Variants in PLCB1 observed in about 807,000 individuals in gnomAD.
PLCB1 encodes 1-phosphatidylinositol 4,5-bisphosphate phosphodiesterase beta-1.
Under a neutral mutation model 161.8 loss-of-function variants are expected in PLCB1, and 46 were observed. The observed-to-expected ratio is 0.28, with a 90% confidence interval of 0.22 to 0.36. The LOEUF is 0.36. Ranked by LOEUF, PLCB1 falls within the 10% of genes least tolerant of loss-of-function variation. The probability of loss-of-function intolerance (pLI) is 1.00; values close to 1 mark genes in which losing one functional copy is unlikely to be tolerated. For missense variants in PLCB1, 1,016 were observed against 1,472.5 expected (o/e 0.69, Z 5.07); for synonymous variants, 517 against 503.7 (o/e 1.03, Z -0.35).
chr20:8,686,583 T>G (rs541124976), intron 10 of PLCB1, among the ~76,000 whole-genome samples: 1 of 152,316 alleles, frequency 6.6e-6, no homozygotes, highest in East Asian at 1.9e-4. Flanking sequence ...ATTTTATTTT[T>G]TCACCTTCTT....
In PLCB1 at chr20:8,767,653, A is replaced by G. The variant is rs149092181; in HGVS notation, c.2930+2295A>G. 6.1e-3 allele frequency among the ~76,000 whole-genome samples: 930 copies of G among 152,188 alleles called. 8 individuals are homozygous for G. The highest frequency in any genetic ancestry group is 0.022 in the African/African-American group (895 of 41,544). On this transcript the variant is annotated intron_variant, in intron 26 of 31. Transcript: ENST00000338037. ...GAACCCCACATGTGGACTGCGCATCATAGCTTATCATGGGACTTTGTGGAC... is the reference window on the plus strand; with the variant it reads ...GAACCCCACATGTGGACTGCGCATCGTAGCTTATCATGGGACTTTGTGGAC...
At chr20:8,441,158 A>G (rs1442722608) in intron 3 of PLCB1, among the ~76,000 whole-genome samples, 1 of 152,234 alleles carries the variant, frequency 6.6e-6, no homozygotes, top group African/African-American at 2.4e-5. Flanking sequence ...CTACAATTAG[A>G]ATTAAATCGT....
In PLCB1 at chr20:8,411,257, A is replaced by G. The variant is rs181622953; in HGVS notation, c.246+39807A>G. 1.8e-3 allele frequency among the ~76,000 whole-genome samples: 269 copies of G among 152,354 alleles called. 1 individual carries two copies. The highest frequency in any genetic ancestry group is 3.7e-3 in the Admixed American group (57 of 15,302). ...GTATGAAAAAAGGGATGCAAAATAT[A>G]TCATGAATACCTTTGCATGTTATTA... On this transcript the variant is annotated intron_variant, in intron 3 of 31. Transcript: ENST00000338037.
chr20:8,617,685 G>T (rs1988072746), intron 3 of PLCB1, among the ~76,000 whole-genome samples: 1 of 152,134 alleles, frequency 6.6e-6, no homozygotes, highest in Admixed American at 6.5e-5. Context: ...AATGTAATCT[G>T]TCTTTTTGTA....
chr20:8,666,734 A>G (rs6055986), intron 9 of PLCB1, among the ~76,000 whole-genome samples: 69,523 of 152,036 alleles, frequency 0.46, 16,089 homozygotes, highest in Admixed American at 0.5. Context: ...ATCGATGTCT[A>G]TAGCAGTGGT....
chr20:8,790,103 T>C, intron 30 of PLCB1, 72 bp from the exon 31 acceptor site: 1 of 993,308 alleles, frequency 1.0e-6, no homozygotes, highest in Non-Finnish European at 1.6e-6. Context: ...CTGAAAAGCT[T>C]TCGGTATTTT....
chr20:8,293,505 T>C (rs1421978115), intron 2 of PLCB1, among the ~76,000 whole-genome samples: 4 of 152,152 alleles, frequency 2.6e-5, no homozygotes, highest in Non-Finnish European at 4.4e-5. Context: ...AAGGATGACA[T>C]TCTTGAAGTG....
At position 8,495,588 on chromosome 20, in the gene PLCB1, G is replaced by A. The variant is rs377306087; in HGVS notation, c.246+124138G>A. Among the ~76,000 whole-genome samples the A allele has an allele frequency of 3.1e-4, 47 of 151,676 alleles. 1 individual carries two copies. In the South Asian group the frequency reaches 4.2e-3, roughly 14 times the overall value. ...AATTTTTTGTATTTTTAGTAGAGACGGGGTTTCACCCTGTTAGCCAAGATA... is the reference window on the plus strand; with the variant it reads ...AATTTTTTGTATTTTTAGTAGAGACAGGGTTTCACCCTGTTAGCCAAGATA... On this transcript the variant is annotated intron_variant, in intron 3 of 31. Transcript: ENST00000338037.
chr20:8,817,932 A>G (rs545177996), intron 31 of PLCB1, among the ~76,000 whole-genome samples: 3 of 152,388 alleles, frequency 2.0e-5, no homozygotes, highest in South Asian at 2.1e-4. Flanking sequence ...AGTGAAAAAT[A>G]TATTTAAAAT....
At chr20:8,759,716 TGTC>T (rs1486772988) in intron 24 of PLCB1, among the ~76,000 whole-genome samples, 1 of 152,028 alleles carries the variant, frequency 6.6e-6, no homozygotes, top group Non-Finnish European at 1.5e-5. Flanking sequence ...GTCAGGCTGG[TGTC>T]GAGCTCCTGA....
chr20:8,785,898 C>G (rs1983460111), intron 27 of PLCB1, among the ~76,000 whole-genome samples: 1 of 152,132 alleles, frequency 6.6e-6, no homozygotes, highest in Non-Finnish European at 1.5e-5. Context: ...ATAATTGTTA[C>G]TGAATTCAAA....
chr20:8,148,373 A>G (rs2051475926), intron 1 of PLCB1, among the ~76,000 whole-genome samples: 1 of 152,198 alleles, frequency 6.6e-6, no homozygotes. Flanking sequence ...TTTGACATTT[A>G]GAAGTAATTG....
intron 3 of PLCB1, among the ~76,000 whole-genome samples, chr20:8,426,769 CTG>C (rs1286997377): frequency 6.6e-6 from 1 of 152,164 alleles, no homozygotes; most frequent in African/African-American, 2.4e-5. Flanking sequence ...ATTTTACTGT[CTG>C]TGTATCTCAT....
intron 3 of PLCB1, among the ~76,000 whole-genome samples, chr20:8,393,121 C>T (rs1405703591): frequency 4.6e-5 from 7 of 152,024 alleles, no homozygotes; most frequent in Non-Finnish European, 1.0e-4. Context: ...CCTCACACAC[C>T]TAATACATTT....
rs1980372833 is a variant in PLCB1 at position 8,733,331 on chromosome 20, A to G, written c.1982A>G (p.His661Arg). Residue 661 changes from histidine to arginine, a missense_variant, in exon 19 of 32, where the codon CAT becomes CGT. His to Arg is a conservative substitution (Grantham distance 29, BLOSUM62 0). Coordinates refer to ENST00000338037, the MANE Select transcript of PLCB1 (RefSeq NM_015192.4). ...KPEFMRRPDK[H>R]FDPFTEGIVD... ...GAGTTCATGAGGAGGCCTGACAAGC[A>G]TTTTGATCCATTTACTGAAGGCATC... 2 of 1,613,944 alleles carry G rather than the reference A, an allele frequency of 1.2e-6. No homozygotes were observed. The highest frequency in any genetic ancestry group is 3.3e-5 in the Admixed American group (2 of 60,002).
chr20:8,375,706 C>T (rs570621727), intron 3 of PLCB1, among the ~76,000 whole-genome samples: 110 of 152,124 alleles, frequency 7.2e-4, no homozygotes, highest in African/African-American at 2.5e-3. Flanking sequence ...CCAGCTTTGC[C>T]ATTAACAGGC....
At chr20:8,488,638 T>G (rs1982825777) in intron 3 of PLCB1, among the ~76,000 whole-genome samples, 2 of 152,326 alleles carry the variant, frequency 1.3e-5, no homozygotes, top group African/African-American at 4.8e-5. Flanking sequence ...TTTAATTCAC[T>G]TCTGCAATGG....
intron 11 of PLCB1, among the ~76,000 whole-genome samples, chr20:8,706,841 T>C (rs1978707628): frequency 6.6e-6 from 1 of 152,180 alleles, no homozygotes; most frequent in Non-Finnish European, 1.5e-5. Context: ...GCTGAGTCCT[T>C]TGCCTTCTCT....
At chr20:8,440,380 C>T (rs1429569274) in intron 3 of PLCB1, among the ~76,000 whole-genome samples, 4 of 152,128 alleles carry the variant, frequency 2.6e-5, no homozygotes, top group Non-Finnish European at 4.4e-5. Flanking sequence ...TTTTTATTGT[C>T]TGTAAAAATG....
Sources: gnomAD v4.1 joint callset for allele counts (sites outside exome capture counted in the v4.1 genomes callset) on GRCh38, gnomAD v4.1.1 for gene constraint, MANE v1.5 for transcripts, NCBI Gene and HGNC (gene_info 2026-07-23, HGNC 2026-07-21) for gene names.